The following PCDH11Y variants were observed in gnomAD, a reference collection of about 807,000 sequenced individuals.
PCDH11Y encodes the protein protocadherin 11 Y-linked.
For synonymous variants in PCDH11Y, 9 were observed against 83.6 expected (o/e 0.11, Z 4.87); for missense variants, 12 against 224.8 (o/e 0.05, Z 6.05).
chrY:5,586,973 T>C, intron 4 of PCDH11Y, among the ~76,000 whole-genome samples: 1 of 32,692 alleles, frequency 3.1e-5, no homozygotes, highest in Non-Finnish European at 7.6e-5. Flanking sequence ...TAATATTGGA[T>C]TTTGTTTGCT....
At chrY:5,624,640 T>C (rs2053505001) in intron 4 of PCDH11Y, among the ~76,000 whole-genome samples, 1 of 31,959 alleles carries the variant, frequency 3.1e-5, no homozygotes, top group Non-Finnish European at 7.6e-5. Flanking sequence ...GAATAGGGAG[T>C]CTTTCCTCAT....
At chrY:5,179,415 A>T (rs2124646710) in intron 2 of PCDH11Y, among the ~76,000 whole-genome samples, 1 of 33,405 alleles carries the variant, frequency 3.0e-5, no homozygotes, top group South Asian at 6.6e-4. Flanking sequence ...TTTTACCTAC[A>T]TGTATGTCTT....
intron 2 of PCDH11Y, among the ~76,000 whole-genome samples, chrY:5,261,125 G>A: frequency 3.0e-5 from 1 of 33,012 alleles, no homozygotes; most frequent in Non-Finnish European, 7.4e-5. Flanking sequence ...CCCCAGCCTC[G>A]TGGAATTGTA....
intron 4 of PCDH11Y, among the ~76,000 whole-genome samples, chrY:5,643,978 T>G: frequency 3.0e-5 from 1 of 33,057 alleles, no homozygotes; most frequent in Non-Finnish European, 7.4e-5. Context: ...TAACTAAAGT[T>G]AACTTAATAG....
intron 4 of PCDH11Y, among the ~76,000 whole-genome samples, chrY:5,650,817 A>C: frequency 3.1e-5 from 1 of 32,475 alleles, no homozygotes; most frequent in African/African-American, 1.2e-4. Flanking sequence ...ACTGATACTA[A>C]TACTGAAAAA....
intron 2 of PCDH11Y, among the ~76,000 whole-genome samples, chrY:5,407,849 G>A: frequency 3.8e-5 from 1 of 26,296 alleles, no homozygotes; most frequent in Non-Finnish European, 8.5e-5. Context: ...AGCGGGCGGA[G>A]CTTGCAGTGA....
At chrY:5,380,269 TG>T (rs2053203397) in intron 2 of PCDH11Y, among the ~76,000 whole-genome samples, 1 of 4,039 alleles carries the variant, frequency 2.5e-4, no homozygotes, top group African/African-American at 9.7e-4. Context: ...CTGCTGGAGA[TG>T]ACCCAAAGAT....
intron 2 of PCDH11Y, among the ~76,000 whole-genome samples, chrY:5,474,456 G>A: frequency 1.6e-4 from 4 of 24,716 alleles, no homozygotes; most frequent in Admixed American, 1.2e-3. Context: ...AATCATTTGA[G>A]CCTTTGTTTT....
chrY:5,117,861 A>G, intron 2 of PCDH11Y, among the ~76,000 whole-genome samples: 2 of 31,488 alleles, frequency 6.4e-5, no homozygotes, highest in African/African-American at 2.4e-4. Context: ...AATACATATT[A>G]TATTATATGT....
chrY:5,283,009 T>A, intron 2 of PCDH11Y, among the ~76,000 whole-genome samples: 1 of 33,485 alleles, frequency 3.0e-5, no homozygotes, highest in African/African-American at 1.1e-4. Context: ...AAAAACCGAT[T>A]TTTGGACTAT....
Position 5,641,668 on chromosome Y carries a change from T to G in PCDH11Y, c.3352+59870T>G, listed in dbSNP as rs2053523145. ...AGGCCACTAATCACCATAACAGATA[T>G]AATAATAATGAAAACGTTTGGAATA... On this transcript the variant is annotated intron_variant, in intron 4 of 4. Transcript: ENST00000400457. Among the ~76,000 whole-genome samples the G allele has an allele frequency of 1.4e-3, 46 of 32,388 alleles. No homozygotes were observed. In the South Asian group the frequency reaches 0.019, roughly 13 times the overall value. The allele number at this position is 32,388 out of a possible 37,273, so 86.9% of individuals were successfully genotyped here. A position where few individuals can be genotyped will look rare whatever the true frequency, so the allele number is the denominator to read the frequency against.
chrY:5,385,852 G>C (rs2053214139), intron 2 of PCDH11Y, among the ~76,000 whole-genome samples: 5 of 32,982 alleles, frequency 1.5e-4, no homozygotes, highest in Admixed American at 1.1e-3. Context: ...CTTTTTGCTG[G>C]GATTTCTTTT....
At chrY:5,115,810 G>A (rs1602870387) in intron 2 of PCDH11Y, among the ~76,000 whole-genome samples, 2 of 21,930 alleles carry the variant, frequency 9.1e-5, no homozygotes, top group African/African-American at 1.9e-4. Context: ...GTGCGATCTC[G>A]GCTCACTGCA....
chrY:5,497,067 C>T, intron 2 of PCDH11Y, among the ~76,000 whole-genome samples: 1 of 33,484 alleles, frequency 3.0e-5, no homozygotes, highest in South Asian at 6.7e-4. Flanking sequence ...TGGGTTGGTT[C>T]CAAGTCTTTG....
chrY:5,009,976 G>A, intron 1 of PCDH11Y, among the ~76,000 whole-genome samples: 2 of 33,084 alleles, frequency 6.0e-5, no homozygotes, highest in Admixed American at 5.4e-4. Context: ...AGGCTGAGGC[G>A]GGTAGGTCAT....
intron 2 of PCDH11Y, among the ~76,000 whole-genome samples, chrY:5,412,713 GT>G (rs2053248626): frequency 3.0e-5 from 1 of 33,027 alleles, no homozygotes; most frequent in Non-Finnish European, 7.4e-5. Flanking sequence ...TTTCGGTTCT[GT>G]TTCTGTGACA....
At chrY:5,241,766 AACTAGATTGT>A (rs2052988472) in intron 2 of PCDH11Y, among the ~76,000 whole-genome samples, 2 of 31,782 alleles carry the variant, frequency 6.3e-5, no homozygotes, top group Admixed American at 3.0e-4. Flanking sequence ...CAAAAAGTGT[AACTAGATTGT>A]TTGTAACACA....
chrY:5,353,952 C>T (rs2053162685), intron 2 of PCDH11Y, among the ~76,000 whole-genome samples: 60 of 33,636 alleles, frequency 1.8e-3, no homozygotes, highest in Non-Finnish European at 3.5e-3. Flanking sequence ...GAGCCGAGAT[C>T]GTGCCATTGC....
chrY:5,323,453 TC>T lies in PCDH11Y; in HGVS notation c.3130-177601del, dbSNP rs1569476740. On this transcript the variant is annotated intron_variant, in intron 2 of 4. Coordinates refer to the PCDH11Y transcript ENST00000400457. ...CTCAGGTGATCAGCCCACCTCAGCC[TC>T]CCAAAGTGCTGGGATTACAGGCTTG... Among the ~76,000 whole-genome samples the T allele has an allele frequency of 4.2e-3, 135 of 32,498 alleles. No homozygotes were observed. The East Asian group carries it at 0.11, about 26-fold the overall frequency. The allele number at this position is 32,498 out of a possible 37,273, so 87.2% of individuals were successfully genotyped here. A position where few individuals can be genotyped will look rare whatever the true frequency, so the allele number is the denominator to read the frequency against.
Sources: allele counts gnomAD v4.1 joint callset (sites outside exome capture counted in the v4.1 genomes callset), GRCh38; gene constraint gnomAD v4.1.1; transcripts MANE v1.5; gene names NCBI Gene and HGNC (gene_info 2026-07-23, HGNC 2026-07-21).